The following PTPRD variants were observed in gnomAD, a reference collection of about 807,000 sequenced individuals.
The protein encoded by PTPRD is protein tyrosine phosphatase receptor type D.
A neutral mutation model predicts 214.5 loss-of-function variants in PTPRD; 34 were observed. That is an observed-to-expected ratio of 0.16 (90% CI 0.12 to 0.21). The LOEUF (loss-of-function observed/expected upper bound fraction) is 0.21. PTPRD is among the 10% of genes least tolerant of loss of function. PTPRD has a pLI of 1.00. For synonymous variants in PTPRD, 1,128 were observed against 845.7 expected, an observed-to-expected ratio of 1.33 and a Z score of -5.79; for missense variants, 2,545 against 2,398.7, an observed-to-expected ratio of 1.06 and a Z score of -1.27.
rs528515280 is a variant in PTPRD at position 10,573,986 on chromosome 9, G to C, written c.-600+38412C>G. On this transcript the variant is annotated intron_variant, in intron 2 of 45. Transcript: ENST00000381196. Reference sequence around the variant, plus strand: ...AAACCCAGGACAGTGAAGCAGGATGGAAGTGGATAGGCATGGGTCATGTGG... The same window carrying C: ...AAACCCAGGACAGTGAAGCAGGATGCAAGTGGATAGGCATGGGTCATGTGG... Among the ~76,000 whole-genome samples the C allele has an allele frequency of 2.1e-3, 325 of 152,266 alleles. 4 individuals are homozygous for C. Among genetic ancestry groups the C allele is most frequent in the Non-Finnish European group, 3.2e-3 (219 of 67,998 alleles).
chr9:9,275,249 A>T (rs1342395992), intron 9 of PTPRD, among the ~76,000 whole-genome samples: 4 of 122,102 alleles, frequency 3.3e-5, no homozygotes, highest in African/African-American at 1.3e-4. Context: ...TTGAATTTGA[A>T]TTGGGAAAGT....
intron 4 of PTPRD, among the ~76,000 whole-genome samples, chr9:9,988,316 T>C (rs2095793852): frequency 6.6e-6 from 1 of 152,180 alleles, no homozygotes. Context: ...GTCTGTTATT[T>C]AGTGTTTTGT....
At chr9:10,278,841 C>A (rs2094899672) in intron 3 of PTPRD, among the ~76,000 whole-genome samples, 1 of 151,886 alleles carries the variant, frequency 6.6e-6, no homozygotes, top group Admixed American at 6.6e-5. Context: ...GTAGCGCGAT[C>A]TCGGCTCACT....
chr9:9,058,442 GTTTTTTTTTT>G lies in PTPRD; in HGVS notation c.-142-39717_-142-39708del, dbSNP rs777910266. Among the ~76,000 whole-genome samples the G allele has an allele frequency of 4.6e-4, 32 of 69,912 alleles. No homozygotes were observed. In the South Asian group the frequency reaches 8.4e-3, roughly 18 times the overall value. 45.9% of individuals were successfully genotyped at this position (69,912 alleles called of 152,430 possible). ...TATTGGTGAGAGAAATATTATGAGG[GTTTTTTTTTT>G]TTTTTTTTTTTTTTTTGAGACGGAG... is the stretch of plus-strand genomic sequence containing the variant. On this transcript the variant is annotated intron_variant, in intron 10 of 45. Transcript: ENST00000381196.
At chr9:8,688,721 G>T (rs947973238) in intron 12 of PTPRD, among the ~76,000 whole-genome samples, 8 of 152,066 alleles carry the variant, frequency 5.3e-5, no homozygotes, top group African/African-American at 1.4e-4. Context: ...CCTTGCAATG[G>T]ATACATTCTT....
chr9:8,699,126 A>G (rs2098009220), intron 12 of PTPRD, among the ~76,000 whole-genome samples: 1 of 152,208 alleles, frequency 6.6e-6, no homozygotes, highest in African/African-American at 2.4e-5. Flanking sequence ...TACAGAATTT[A>G]TGATCCTTTG....
chr9:10,129,805 G>A (rs960969780), intron 3 of PTPRD, among the ~76,000 whole-genome samples: 1 of 151,732 alleles, frequency 6.6e-6, no homozygotes, highest in African/African-American at 2.4e-5. Flanking sequence ...CTGACTTTTG[G>A]TATTGTTAAT....
intron 4 of PTPRD, among the ~76,000 whole-genome samples, chr9:9,956,990 C>A (rs997145988): frequency 6.6e-6 from 1 of 152,062 alleles, no homozygotes; most frequent in African/African-American, 2.4e-5. Context: ...GGGTCAGAAC[C>A]TAACAAGAGA....
At chr9:10,313,654 T>A (rs2096334998) in intron 3 of PTPRD, among the ~76,000 whole-genome samples, 2 of 151,888 alleles carry the variant, frequency 1.3e-5, no homozygotes. Context: ...TAAATCTACA[T>A]GTATAGCCAT....
rs1315851329 is a variant in PTPRD at position 9,919,436 on chromosome 9, C to T, written c.-368+19071G>A. 2.6e-5 allele frequency among the ~76,000 whole-genome samples: 4 copies of T among 152,128 alleles called. No homozygotes were observed. The East Asian group carries it at 5.8e-4, about 22-fold the overall frequency. ...CATTTTTGCAGAAGCTTTTCAGACACCTCCCTTACCAGTGAACTCAGTTTC... is the reference window on the plus strand; with the variant it reads ...CATTTTTGCAGAAGCTTTTCAGACATCTCCCTTACCAGTGAACTCAGTTTC... On this transcript the variant is annotated intron_variant, in intron 5 of 45. Transcript: ENST00000381196.
chr9:9,901,654 GT>G (rs2076427629), intron 5 of PTPRD, among the ~76,000 whole-genome samples: 1 of 152,096 alleles, frequency 6.6e-6, no homozygotes, highest in Non-Finnish European at 1.5e-5. Context: ...CTAGTGGTGA[GT>G]TGATTATATT....
intron 3 of PTPRD, among the ~76,000 whole-genome samples, chr9:10,047,904 T>C (rs1415131267): frequency 6.6e-6 from 1 of 152,136 alleles, no homozygotes; most frequent in Non-Finnish European, 1.5e-5. Context: ...TTAGCTCCTC[T>C]CACTACCCAC....
intron 33 of PTPRD, among the ~76,000 whole-genome samples, chr9:8,457,275 T>C (rs2096243333): frequency 1.3e-5 from 2 of 152,166 alleles, no homozygotes; most frequent in South Asian, 2.1e-4. Flanking sequence ...CTCAGTCCAG[T>C]ACTTGGCCGA....
At chr9:10,241,899 G>C (rs1332339517) in intron 3 of PTPRD, among the ~76,000 whole-genome samples, 1 of 151,916 alleles carries the variant, frequency 6.6e-6, no homozygotes, top group Non-Finnish European at 1.5e-5. Context: ...AAGTTGTTAA[G>C]AAGTCAGCTA....
intron 11 of PTPRD, among the ~76,000 whole-genome samples, chr9:8,763,370 T>C (rs1599032866): frequency 6.6e-6 from 1 of 151,736 alleles, no homozygotes; most frequent in East Asian, 2.0e-4. Flanking sequence ...AAAAATTAGC[T>C]GGGTATGGTG....
chr9:10,034,407 C>CTTTTTTTT (rs56827836), intron 3 of PTPRD, among the ~76,000 whole-genome samples: 2 of 89,540 alleles, frequency 2.2e-5, no homozygotes, highest in Admixed American at 2.6e-4. Flanking sequence ...CCTGGCTCTA[C>CTTTTTTTT]TTTTTTTTTT....
At chr9:8,495,022 C>G (rs923599233) in intron 26 of PTPRD, among the ~76,000 whole-genome samples, 2 of 151,970 alleles carry the variant, frequency 1.3e-5, no homozygotes, top group Admixed American at 6.6e-5. Flanking sequence ...CACTGGTCTA[C>G]TGTTTCTCTA....
chr9:8,664,113 G>A (rs921803298), intron 12 of PTPRD, among the ~76,000 whole-genome samples: 2 of 152,086 alleles, frequency 1.3e-5, no homozygotes, highest in African/African-American at 2.4e-5. Flanking sequence ...ACAACACAGT[G>A]CAAAACCAAT....
At chr9:8,569,317 T>C (rs2090410247) in intron 14 of PTPRD, among the ~76,000 whole-genome samples, 1 of 152,128 alleles carries the variant, frequency 6.6e-6, no homozygotes, top group Admixed American at 6.6e-5. Flanking sequence ...GTTACCCAAA[T>C]CATATCAGGC....
Sources: allele counts gnomAD v4.1 joint callset (sites outside exome capture counted in the v4.1 genomes callset), GRCh38; gene constraint gnomAD v4.1.1; transcripts MANE v1.5; gene names NCBI Gene and HGNC (gene_info 2026-07-23, HGNC 2026-07-21).